The following MIB1 variants were observed in gnomAD, a reference collection of about 807,000 sequenced individuals.
MIB1 encodes E3 ubiquitin-protein ligase MIB1.
In MIB1, 278 loss-of-function variants were observed where a neutral mutation model predicts 124.5. The ratio of observed to expected loss-of-function variants is 2.23; its 90% CI spans 2.02 to 2.47. MIB1 has a LOEUF of 2.47. Ranked by LOEUF, MIB1 falls within the 30% of genes most tolerant of loss-of-function variation. The pLI, the probability that MIB1 is intolerant of heterozygous loss-of-function variation, is 0.00. For missense variants in MIB1, 957 were observed against 1,254.4 expected (o/e 0.76, Z 3.58); for synonymous variants, 446 against 429.4 (o/e 1.04, Z -0.48).
chr18:21,741,428 G>A lies in MIB1; in HGVS notation c.-156G>A. The A allele has an allele frequency of 3.0e-6, 1 of 329,376 alleles. No individual in the cohort carries two copies. The highest frequency in any genetic ancestry group is 5.1e-6 in the Non-Finnish European group (1 of 197,396). 20.4% of individuals were successfully genotyped at this position (329,376 alleles called of 1,614,324 possible). On this transcript the variant is annotated 5_prime_UTR_variant, in exon 1 of 21. Transcript: ENST00000261537. The surrounding 1 kb of genome is among the most constrained non-coding windows in gnomAD (Gnocchi z 5.4). Reference sequence around the variant, plus strand: ...CGGCTTTGGGCTCCGCGGGGACCGCGCCGCCGCCCCCGTGAGTTATTCTCA... The same window carrying A: ...CGGCTTTGGGCTCCGCGGGGACCGCACCGCCGCCCCCGTGAGTTATTCTCA...
intron 18 of MIB1, chr18:21,854,583 A>G (rs190662068): frequency 1.6e-3 from 246 of 153,822 alleles, no homozygotes; most frequent in East Asian, 0.011. Flanking sequence ...AATTTTTTAC[A>G]TGGCGTTTGC....
upstream of MIB1, among the ~76,000 whole-genome samples, chr18:21,739,633 T>TG (rs1220533076): frequency 6.6e-6 from 1 of 152,014 alleles, no homozygotes; most frequent in African/African-American, 2.4e-5. Flanking sequence ...GATAAACACT[T>TG]TGGGAGGCTG....
intron 12 of MIB1, among the ~76,000 whole-genome samples, chr18:21,823,623 A>G (rs2041899067): frequency 6.6e-6 from 1 of 152,184 alleles, no homozygotes; most frequent in African/African-American, 2.4e-5. Context: ...AAGAGTTACA[A>G]AGCCATTTAT....
At chr18:21,800,067 G>A (rs896641466) in intron 9 of MIB1, 93 bp downstream of exon 9, 2 of 963,812 alleles carry the variant, frequency 2.1e-6, no homozygotes, top group African/African-American at 3.3e-5. Context: ...TGCCAGATGT[G>A]CTTCATTTAT....
rs771938588 is a variant in MIB1 at position 21,798,069 on chromosome 18, A to AT, written c.1093-8dup. 2.0e-5 allele frequency: 32 copies of AT among 1,611,736 alleles called. No homozygotes were observed. The highest frequency in any genetic ancestry group is 2.4e-5 in the Non-Finnish European group (28 of 1,178,438). Reference sequence around the variant, plus strand: ...ACTTTAGACTTGGAAACATGAATCTATTTTTTTCCCCAAGACTTTAGGTAA... The same window carrying AT: ...ACTTTAGACTTGGAAACATGAATCTATTTTTTTTCCCCAAGACTTTAGGTAA... On this transcript the variant is annotated splice_polypyrimidine_tract_variant and intron_variant, in intron 7 of 20. Transcript: ENST00000261537.
At chr18:21,733,738 T>C (rs1162383080) in intron 1 of MIB1, among the ~76,000 whole-genome samples, 1 of 152,096 alleles carries the variant, frequency 6.6e-6, no homozygotes, top group East Asian at 1.9e-4. Flanking sequence ...GGAGTTTCGC[T>C]CTTGTCACCC....
intron 1 of MIB1, among the ~76,000 whole-genome samples, chr18:21,707,459 G>A (rs560884873): frequency 1.3e-5 from 2 of 152,190 alleles, no homozygotes; most frequent in African/African-American, 4.8e-5. Flanking sequence ...CGCCTTCCAC[G>A]TTGTGGAAGC....
chr18:21,706,075 C>CTGTCT (rs1555684551), intron 1 of MIB1, among the ~76,000 whole-genome samples: 1 of 152,060 alleles, frequency 6.6e-6, no homozygotes, highest in Non-Finnish European at 1.5e-5. Flanking sequence ...TAAGTTTGTT[C>CTGTCT]TGTTTTGTTT....
At chr18:21,864,465 C>T (rs1179382783) in intron 20 of MIB1, 61 bp from the exon 21 acceptor site, 14 of 1,309,630 alleles carry the variant, frequency 1.1e-5, no homozygotes, top group Non-Finnish European at 1.5e-5. Flanking sequence ...TGATATATAA[C>T]AGTCTGTCAC....
intron 1 of MIB1, among the ~76,000 whole-genome samples, chr18:21,749,846 T>C (rs1224259657): frequency 6.6e-6 from 1 of 151,992 alleles, no homozygotes; most frequent in Non-Finnish European, 1.5e-5. Context: ...TTCCCCATGT[T>C]GGTCAGGCTG....
At chr18:21,840,698 G>T (rs2042080622) in intron 13 of MIB1, among the ~76,000 whole-genome samples, 1 of 148,182 alleles carries the variant, frequency 6.7e-6, no homozygotes, top group Admixed American at 6.8e-5. Flanking sequence ...TGGGTGTGGT[G>T]GCATGTGCCT....
intron 16 of MIB1, among the ~76,000 whole-genome samples, chr18:21,848,547 C>T (rs1015264638): frequency 1.2e-4 from 19 of 152,044 alleles, no homozygotes; most frequent in African/African-American, 4.1e-4. Context: ...CCTCTGTGTA[C>T]GTGTTGTGTA....
intron 10 of MIB1, among the ~76,000 whole-genome samples, chr18:21,815,054 T>TATATATATATAA (rs2041816615): frequency 1.8e-5 from 2 of 112,616 alleles, no homozygotes; most frequent in Admixed American, 9.4e-5. Flanking sequence ...TATATATATA[T>TATATATATATAA]ATAAAATTAT....
intron 12 of MIB1, among the ~76,000 whole-genome samples, chr18:21,823,052 T>C (rs1019147955): frequency 2.0e-5 from 3 of 151,852 alleles, no homozygotes; most frequent in Non-Finnish European, 2.9e-5. Flanking sequence ...TGGCCAACAT[T>C]GTGAAATGCT....
chr18:21,761,120 C>A (rs1805591035), intron 1 of MIB1, among the ~76,000 whole-genome samples: 1 of 151,900 alleles, frequency 6.6e-6, no homozygotes, highest in Admixed American at 6.6e-5. Flanking sequence ...ATATAATGTC[C>A]ATTTTGGAAA....
At chr18:21,764,241 C>T (rs2041130850) in intron 1 of MIB1, among the ~76,000 whole-genome samples, 1 of 152,060 alleles carries the variant, frequency 6.6e-6, no homozygotes, top group Middle Eastern at 3.2e-3. Context: ...TTCCTCCTTC[C>T]TTCCTTGCTT....
intron 12 of MIB1, among the ~76,000 whole-genome samples, chr18:21,823,311 A>G (rs1357215255): frequency 6.6e-6 from 1 of 151,512 alleles, no homozygotes; most frequent in East Asian, 1.9e-4. Flanking sequence ...TGAGGCGAGA[A>G]TATTGCTCGA....
At chr18:21,739,937 ACAAC>A (rs1568180706), upstream of MIB1, among the ~76,000 whole-genome samples, 1 of 145,942 alleles carries the variant, frequency 6.9e-6, no homozygotes, top group Non-Finnish European at 1.5e-5. Context: ...AAAAAAAACA[ACAAC>A]AAAAAAAACC....
chr18:21,843,831 T>TA (rs1022549035), intron 14 of MIB1, among the ~76,000 whole-genome samples: 1 of 152,212 alleles, frequency 6.6e-6, no homozygotes, highest in African/African-American at 2.4e-5. Context: ...ATCATCATCT[T>TA]AGAGTAGATG....
Sources: allele counts gnomAD v4.1 joint callset (sites outside exome capture counted in the v4.1 genomes callset), GRCh38; gene constraint gnomAD v4.1.1; non-coding constraint Gnocchi (gnomAD v3.1); transcripts MANE v1.5; gene names NCBI Gene and HGNC (gene_info 2026-07-23, HGNC 2026-07-21).